The following TDRD12 variants were observed in gnomAD, a reference collection of about 807,000 sequenced individuals.
TDRD12 encodes tudor domain containing 12.
In TDRD12, 158 loss-of-function variants were observed where a neutral mutation model predicts 133.5. That is an observed-to-expected ratio of 1.18 (90% CI 1.04 to 1.35). TDRD12 has a LOEUF of 1.35. TDRD12 is among the 40% of genes most tolerant of loss of function. The probability of loss-of-function intolerance (pLI) is 0.00; values close to 1 mark genes in which losing one functional copy is unlikely to be tolerated. For synonymous variants in TDRD12, 460 were observed against 477.9 expected (o/e 0.96, Z 0.49); for missense variants, 1,443 against 1,321.3 (o/e 1.09, Z -1.43).
chr19:32,770,978 A>G (rs1280361812), intron 8 of TDRD12, among the ~76,000 whole-genome samples: 2 of 152,190 alleles, frequency 1.3e-5, no homozygotes, highest in Non-Finnish European at 2.9e-5. Context: ...GTAAAGGAAT[A>G]CCTGAGACAA....
In TDRD12 at chr19:32,796,040, C is replaced by T. The variant is rs1167660390; in HGVS notation, c.1473+1227C>T. 8.2e-6 allele frequency: 4 copies of T among 485,158 alleles called. No homozygotes were observed. In the African/African-American group the frequency reaches 8.4e-5, roughly 10 times the overall value. 30.1% of individuals were successfully genotyped at this position (485,158 alleles called of 1,614,324 possible). On this transcript the variant is annotated intron_variant, in intron 14 of 27. Transcript: ENST00000444215. ...GGGGATGCAGAGCTAAACCATTTCA[C>T]TGAGAAAGAGGTGGTGGGAAAGAGA...
chr19:32,807,726 C>CT (rs1390964749), intron 22 of TDRD12, 78 bp downstream of exon 22: 3 of 1,044,820 alleles, frequency 2.9e-6, no homozygotes, highest in Non-Finnish European at 4.1e-6. Flanking sequence ...TAAGCAGGAT[C>CT]TTAGTAGATG....
At chr19:32,813,930 C>T (rs1469788247) in intron 25 of TDRD12, among the ~76,000 whole-genome samples, 154 bp downstream of exon 25, 1 of 152,096 alleles carries the variant, frequency 6.6e-6, no homozygotes, top group African/African-American at 2.4e-5. Flanking sequence ...GTTATTGGGT[C>T]ATGAATTGGG....
At chr19:32,761,106 G>A (rs77105418) in intron 8 of TDRD12, among the ~76,000 whole-genome samples, 1,538 of 152,038 alleles carry the variant, frequency 0.01, 26 homozygotes, top group African/African-American at 0.036. Flanking sequence ...TAGAGAAGAC[G>A]TTTCTTGTTT....
chr19:32,817,969 C>A lies in TDRD12; in HGVS notation c.3315-120C>A, dbSNP rs866350549. 1,405 of 593,954 alleles carry A rather than the reference C, an allele frequency of 2.4e-3. 10 individuals are homozygous for A. In the African/African-American group the frequency reaches 0.025, roughly 11 times the overall value. 36.8% of individuals were successfully genotyped at this position (593,954 alleles called of 1,614,324 possible). A position where few individuals can be genotyped will look rare whatever the true frequency, so the allele number is the denominator to read the frequency against. ...TAGCTTTAGAAGCAGGCCTCTGTCTCAAAAAAAAAAAAAAAGTGTTTTTAC... is the reference window on the plus strand; with the variant it reads ...TAGCTTTAGAAGCAGGCCTCTGTCTAAAAAAAAAAAAAAAAGTGTTTTTAC... On this transcript the variant is annotated intron_variant, in intron 26 of 27. Transcript: ENST00000444215.
chr19:32,815,930 GT>G (rs1967165142), intron 26 of TDRD12, among the ~76,000 whole-genome samples: 1 of 151,982 alleles, frequency 6.6e-6, no homozygotes, highest in Non-Finnish European at 1.5e-5. Flanking sequence ...GGAGGCAGAG[GT>G]TGCAGCGAGC....
intron 2 of TDRD12, among the ~76,000 whole-genome samples, chr19:32,732,962 T>C (rs2145439650): frequency 6.6e-6 from 1 of 151,918 alleles, no homozygotes; most frequent in Non-Finnish European, 1.5e-5. Context: ...TGCTTGAGCC[T>C]AGGAGTTTTG....
chr19:32,766,834 C>T (rs996918068), intron 8 of TDRD12, among the ~76,000 whole-genome samples: 18 of 151,848 alleles, frequency 1.2e-4, no homozygotes, highest in African/African-American at 4.1e-4. Flanking sequence ...AGGCTGGTCT[C>T]GAACTCCTGA....
At chr19:32,769,150 G>T (rs776243184) in intron 8 of TDRD12, among the ~76,000 whole-genome samples, 30 of 151,916 alleles carry the variant, frequency 2.0e-4, no homozygotes, top group Non-Finnish European at 4.1e-4. Flanking sequence ...AGAAGTTTTT[G>T]ATTTTTGGTA....
chr19:32,809,630 C>T (rs1966929742), intron 22 of TDRD12, among the ~76,000 whole-genome samples: 1 of 152,212 alleles, frequency 6.6e-6, no homozygotes, highest in Non-Finnish European at 1.5e-5. Context: ...AAGCTGTGGC[C>T]TCTCTGTCCA....
intron 14 of TDRD12, chr19:32,796,027 C>G (rs1243238487): frequency 2.5e-6 from 1 of 403,366 alleles, no homozygotes; most frequent in Non-Finnish European, 3.4e-6. Flanking sequence ...GGATGCAGAG[C>G]TAAACCATTT....
intron 1 of TDRD12, among the ~76,000 whole-genome samples, chr19:32,728,034 C>T (rs1344931252): frequency 6.6e-6 from 1 of 152,120 alleles, no homozygotes; most frequent in African/African-American, 2.4e-5. Context: ...AAAACCTTTC[C>T]CTGAATGGTT....
chr19:32,826,604 T>C lies in TDRD12; in HGVS notation c.1049+6T>C. On this transcript the variant is annotated splice_donor_region_variant and intron_variant, in intron 9 of 9. Coordinates refer to the TDRD12 transcript ENST00000637289. ...GTCACCTACTCAGACAGAGGGTGAG[T>C]TGGGATGCACTCAGCGGGTGGTCTT... 8.1e-7 allele frequency: 1 copy of C among 1,236,748 alleles called. No homozygotes were observed. Among genetic ancestry groups the C allele is most frequent in the South Asian group, 4.0e-5 (1 of 24,720 alleles). 76.6% of individuals were successfully genotyped at this position (1,236,748 alleles called of 1,614,324 possible). A position where few individuals can be genotyped will look rare whatever the true frequency, so the allele number is the denominator to read the frequency against.
intron 8 of TDRD12, among the ~76,000 whole-genome samples, chr19:32,771,996 C>G (rs1970455060): frequency 6.6e-6 from 1 of 152,110 alleles, no homozygotes; most frequent in Admixed American, 6.5e-5. Context: ...CCGGGTAAAA[C>G]AACAGCCATT....
At chr19:32,759,167 A>G (rs1385244364) in intron 8 of TDRD12, among the ~76,000 whole-genome samples, 1 of 152,182 alleles carries the variant, frequency 6.6e-6, no homozygotes, top group Non-Finnish European at 1.5e-5. Flanking sequence ...GAAATGAGAA[A>G]CTAGGATGTA....
chr19:32,760,573 T>C (rs1412674392), intron 8 of TDRD12, among the ~76,000 whole-genome samples: 1 of 152,206 alleles, frequency 6.6e-6, no homozygotes, highest in Non-Finnish European at 1.5e-5. Flanking sequence ...AGAGATAAAC[T>C]CACTTTTTAA....
exon 26 of TDRD12, chr19:32,815,518 C>CCATGGG: frequency 6.5e-7 from 1 of 1,536,378 alleles, no homozygotes; most frequent in Non-Finnish European, 8.7e-7. Flanking sequence ...GAAATTTTGT[C>CCATGGG]CATGGGCATG....
intron 1 of TDRD12, among the ~76,000 whole-genome samples, chr19:32,725,426 T>A (rs945083271): frequency 2.0e-5 from 3 of 152,184 alleles, no homozygotes; most frequent in African/African-American, 7.2e-5. Context: ...TTCAGTTTTC[T>A]GCATACGGCT....
intron 1 of TDRD12, among the ~76,000 whole-genome samples, 189 bp from the exon 2 acceptor site, chr19:32,731,536 T>C (rs1467020052): frequency 1.3e-5 from 2 of 152,188 alleles, no homozygotes; most frequent in African/African-American, 4.8e-5. Context: ...CAACACATAA[T>C]TGAGAATTAC....
Sources: allele counts gnomAD v4.1 joint callset (sites outside exome capture counted in the v4.1 genomes callset), GRCh38; gene constraint gnomAD v4.1.1; transcripts MANE v1.5; gene names NCBI Gene and HGNC (gene_info 2026-07-23, HGNC 2026-07-21).